SHROOM3: variants seen among roughly 807,000 people sequenced by gnomAD.
SHROOM3 encodes protein Shroom3.
A neutral mutation model predicts 138.6 loss-of-function variants in SHROOM3; 47 were observed. That is an observed-to-expected ratio of 0.34 (90% CI 0.27 to 0.43). The LOEUF (loss-of-function observed/expected upper bound fraction) is 0.43, where lower values mean the gene tolerates loss of function less well. Among genes scored for constraint, SHROOM3 ranks in the 20% least tolerant of loss-of-function variants. The pLI, the probability that SHROOM3 is intolerant of heterozygous loss-of-function variation, is 1.00. For missense variants in SHROOM3, 2,491 were observed against 2,596.5 expected, an observed-to-expected ratio of 0.96 and a Z score of 0.88; for synonymous variants, 1,062 against 1,063.3, an observed-to-expected ratio of 1.00 and a Z score of 0.02.
At chr4:76,591,968 A>G (rs1359697324) in intron 2 of SHROOM3, among the ~76,000 whole-genome samples, 1 of 152,248 alleles carries the variant, frequency 6.6e-6, no homozygotes, top group East Asian at 1.9e-4. Flanking sequence ...AAATAAGTCA[A>G]TTGTATTATA....
chr4:76,711,219 C>T (rs1001275076), intron 3 of SHROOM3, among the ~76,000 whole-genome samples: 3 of 152,072 alleles, frequency 2.0e-5, no homozygotes, highest in Non-Finnish European at 4.4e-5. Context: ...TTACCATAGA[C>T]CCTCAGACTT....
intron 1 of SHROOM3, among the ~76,000 whole-genome samples, chr4:76,542,272 T>C (rs1733120634): frequency 6.6e-6 from 1 of 152,192 alleles, no homozygotes; most frequent in Admixed American, 6.5e-5. Context: ...GAAAATAAAC[T>C]GAGGCTTAGA....
chr4:76,608,415 T>C (rs1734667626), intron 2 of SHROOM3, among the ~76,000 whole-genome samples: 1 of 152,212 alleles, frequency 6.6e-6, no homozygotes, highest in Non-Finnish European at 1.5e-5. Context: ...AAGTTCTGAT[T>C]TAAAGAAAAA....
Position 76,770,618 on chromosome 4 carries a change from C to T in SHROOM3, c.5350-8C>T. On this transcript the variant is annotated splice_polypyrimidine_tract_variant and splice_region_variant and intron_variant, in intron 9 of 10. Coordinates refer to ENST00000296043, the MANE Select transcript of SHROOM3 (RefSeq NM_020859.4). ...GGCTGATCTTTGCGGTCTTATCTGT[C>T]ATTTCAGGCTGAGCTCATTGGAAGT... The T allele has an allele frequency of 6.2e-7, 1 of 1,613,780 alleles. No individual in the cohort carries two copies. The highest frequency in any genetic ancestry group is 8.5e-7 in the Non-Finnish European group (1 of 1,180,022).
At chr4:76,708,384 C>CAA (rs3045221) in intron 2 of SHROOM3, among the ~76,000 whole-genome samples, 19 of 128,954 alleles carry the variant, frequency 1.5e-4, no homozygotes, top group African/African-American at 3.8e-4. Context: ...AGACATTGTG[C>CAA]AAAAAAAAAA....
At chr4:76,744,571 T>C (rs545933562) in intron 5 of SHROOM3, among the ~76,000 whole-genome samples, 2 of 152,364 alleles carry the variant, frequency 1.3e-5, no homozygotes, top group South Asian at 4.1e-4. Context: ...CACATAACTA[T>C]TGTGGTTATT....
intron 1 of SHROOM3, among the ~76,000 whole-genome samples, chr4:76,520,097 A>G (rs1393709607): frequency 2.0e-5 from 3 of 151,828 alleles, no homozygotes; most frequent in Admixed American, 1.3e-4. Flanking sequence ...AATCAGGGAC[A>G]CCTCCCATTC....
intron 2 of SHROOM3, among the ~76,000 whole-genome samples, chr4:76,633,407 G>T (rs1209527335): frequency 2.0e-5 from 3 of 150,688 alleles, no homozygotes; most frequent in Non-Finnish European, 3.0e-5. Flanking sequence ...GGTGGCTCAC[G>T]CCTGTAATCC....
At position 76,781,380 on chromosome 4, in the gene SHROOM3, T is replaced by G. The variant is rs1162370300; in HGVS notation, c.*2203T>G. ...CTGGGCTCAAGGGATCCTTCCGCTT[T>G]GGTCCCAGAAGTGCTGGGATTACAG... On this transcript the variant is annotated 3_prime_UTR_variant, in exon 11 of 11. Coordinates refer to ENST00000296043, the MANE Select transcript of SHROOM3 (RefSeq NM_020859.4). The G allele has an allele frequency of 6.6e-6, 1 of 152,202 alleles. No individual in the cohort carries two copies. Among genetic ancestry groups the G allele is most frequent in the Non-Finnish European group, 1.5e-5 (1 of 68,068 alleles). The allele number at this position is 152,202 out of a possible 1,614,324, so 9.4% of individuals were successfully genotyped here.
chr4:76,749,185 AT>A, intron 6 of SHROOM3, 95 bp downstream of exon 6: 1 of 1,183,260 alleles, frequency 8.5e-7, no homozygotes, highest in Non-Finnish European at 1.3e-6. Context: ...ATGTGATGTC[AT>A]ATAGTGTCAC....
chr4:76,765,788 G>A (rs1421873994), intron 9 of SHROOM3, among the ~76,000 whole-genome samples: 1 of 152,226 alleles, frequency 6.6e-6, no homozygotes, highest in East Asian at 1.9e-4. Context: ...ATTTTCCAAA[G>A]TGATTGCACC....
intron 1 of SHROOM3, among the ~76,000 whole-genome samples, chr4:76,501,460 C>G (rs746195663): frequency 1.3e-5 from 2 of 152,112 alleles, no homozygotes; most frequent in Non-Finnish European, 2.9e-5. Flanking sequence ...ACCTTTTACT[C>G]TGGTTCCTGA....
intron 2 of SHROOM3, among the ~76,000 whole-genome samples, chr4:76,633,934 G>T (rs1394265345): frequency 6.6e-6 from 1 of 152,070 alleles, no homozygotes; most frequent in Non-Finnish European, 1.5e-5. Context: ...ATCAGTATTG[G>T]TATAGAATGA....
At position 76,550,143 on chromosome 4, in the gene SHROOM3, GT is replaced by G. The variant is rs562597970; in HGVS notation, c.169-5460del. On this transcript the variant is annotated intron_variant, in intron 1 of 10. Coordinates refer to ENST00000296043, the MANE Select transcript of SHROOM3 (RefSeq NM_020859.4). Reference sequence around the variant, plus strand: ...CTGACATGTCCCAGTGAATGTGCATGTTTTTTAAGTACAATGATATGAAATA... The same window carrying G: ...CTGACATGTCCCAGTGAATGTGCATGTTTTTAAGTACAATGATATGAAATA... 4.5e-4 allele frequency among the ~76,000 whole-genome samples: 69 copies of G among 152,238 alleles called. 2 individuals are homozygous for G. The highest frequency in any genetic ancestry group is 1.5e-3 in the African/African-American group (64 of 41,524).
intron 2 of SHROOM3, among the ~76,000 whole-genome samples, chr4:76,620,936 C>A (rs75120417): frequency 1.3e-5 from 2 of 151,840 alleles, no homozygotes; most frequent in African/African-American, 4.8e-5. Context: ...CCTGGGTCAG[C>A]AGAACAGCAC....
intron 3 of SHROOM3, among the ~76,000 whole-genome samples, chr4:76,713,165 T>A (rs1720281129): frequency 6.6e-6 from 1 of 152,352 alleles, no homozygotes; most frequent in Non-Finnish European, 1.5e-5. Context: ...TTATTTAAAA[T>A]TTTTTCTTCT....
intron 5 of SHROOM3, among the ~76,000 whole-genome samples, chr4:76,747,516 C>T (rs1283844478): frequency 6.6e-6 from 1 of 152,088 alleles, no homozygotes; most frequent in Non-Finnish European, 1.5e-5. Flanking sequence ...GCTCGATATT[C>T]TAGGGGCCAA....
In SHROOM3 at chr4:76,495,859, G is replaced by C. The variant is rs542484490; in HGVS notation, c.168+59639G>C. Among the ~76,000 whole-genome samples, 3 of 152,296 alleles carry C rather than the reference G, an allele frequency of 2.0e-5. No homozygotes were observed. The South Asian group carries it at 6.2e-4, about 32-fold the overall frequency. On this transcript the variant is annotated intron_variant, in intron 1 of 10. Coordinates refer to ENST00000296043, the MANE Select transcript of SHROOM3 (RefSeq NM_020859.4). ...CATTTTCTTCAGCACTCAGCAGCCT[G>C]GGGTATAAAAACACAGACATAGATG...
In SHROOM3 at chr4:76,609,686, A is replaced by T. The variant is rs184342053; in HGVS notation, c.323+53923A>T. The stretch of plus-strand genomic sequence containing the variant: ...GTTTCCTTTCAAATGACCCCAGTCT[A>T]TCAGAATAGACTAGATGTTAAGAGC... On this transcript the variant is annotated intron_variant, in intron 2 of 10. Transcript: ENST00000296043. Among the ~76,000 whole-genome samples the T allele has an allele frequency of 3.9e-4, 60 of 152,366 alleles. 1 individual carries two copies. In the South Asian group the frequency reaches 0.012, roughly 30 times the overall value.
Sources: gnomAD v4.1 joint callset for allele counts (sites outside exome capture counted in the v4.1 genomes callset) on GRCh38, gnomAD v4.1.1 for gene constraint, MANE v1.5 for transcripts, NCBI Gene and HGNC (gene_info 2026-07-23, HGNC 2026-07-21) for gene names.